RAB11FIP4: variants seen among roughly 807,000 people sequenced by gnomAD.
The protein encoded by RAB11FIP4 is rab11 family-interacting protein 4.
A neutral mutation model predicts 74.3 loss-of-function variants in RAB11FIP4; 23 were observed. The observed-to-expected ratio is 0.31, with a 90% CI of 0.22 to 0.44. The LOEUF is 0.44. Among genes scored for constraint, RAB11FIP4 ranks in the 20% least tolerant of loss-of-function variants. RAB11FIP4 has a pLI of 1.00. For missense variants in RAB11FIP4, 630 were observed against 863.9 expected (o/e 0.73, Z 3.39); for synonymous variants, 360 against 359.9 (o/e 1.00, Z 0.00).
chr17:31,482,396 C>T (rs2071858482), intron 3 of RAB11FIP4, among the ~76,000 whole-genome samples: 1 of 151,932 alleles, frequency 6.6e-6, no homozygotes, highest in South Asian at 2.1e-4. Flanking sequence ...TCAAGACTAG[C>T]CTGGCCAACA....
At chr17:31,427,095 G>A (rs531332349) in intron 1 of RAB11FIP4, among the ~76,000 whole-genome samples, 2 of 152,236 alleles carry the variant, frequency 1.3e-5, no homozygotes, top group African/African-American at 2.4e-5. Context: ...GAGTAGCTGG[G>A]ACTACAGGTA....
At chr17:31,452,741 ATGTGG>A (rs2071538111) in intron 3 of RAB11FIP4, among the ~76,000 whole-genome samples, 1 of 152,170 alleles carries the variant, frequency 6.6e-6, no homozygotes, top group African/African-American at 2.4e-5. Flanking sequence ...TCACCTCCGC[ATGTGG>A]TGAGGCCTGC....
chr17:31,399,414 A>T (rs997903504), intron 1 of RAB11FIP4, among the ~76,000 whole-genome samples: 3 of 152,172 alleles, frequency 2.0e-5, no homozygotes, highest in African/African-American at 7.2e-5. Context: ...GTCCAGATTT[A>T]AAAATTTTTT....
At position 31,407,752 on chromosome 17, in the gene RAB11FIP4, A is replaced by G. The variant is rs376271526; in HGVS notation, c.159+15741A>G. ...GGGCCACATGATGTTCATTTGTTCTATTTTGGGGATGCTGAGTTCAATCAC... is the reference window on the plus strand; with the variant it reads ...GGGCCACATGATGTTCATTTGTTCTGTTTTGGGGATGCTGAGTTCAATCAC... On this transcript the variant is annotated intron_variant, in intron 1 of 14. Coordinates refer to ENST00000621161, the MANE Select transcript of RAB11FIP4 (RefSeq NM_032932.6). Among the ~76,000 whole-genome samples, 10 of 152,156 alleles carry G rather than the reference A, an allele frequency of 6.6e-5. No homozygotes were observed. The South Asian group carries it at 1.0e-3, about 16-fold the overall frequency.
rs1427161471 is a variant in RAB11FIP4 at position 31,532,593 on chromosome 17, G to C, written c.*861G>C. On this transcript the variant is annotated 3_prime_UTR_variant, in exon 15 of 15. Transcript: ENST00000621161. Reference sequence around the variant, plus strand: ...AACCAAAGAAATGAGTTTTGGGGAGGAACACAACTCCCATCCCAGTCAGTT... The same window carrying C: ...AACCAAAGAAATGAGTTTTGGGGAGCAACACAACTCCCATCCCAGTCAGTT... The C allele has an allele frequency of 6.6e-6, 1 of 152,432 alleles. No homozygotes were observed. Among genetic ancestry groups the C allele is most frequent in the Non-Finnish European group, 1.5e-5 (1 of 68,040 alleles). The allele number at this position is 152,432 out of a possible 1,614,324, so 9.4% of individuals were successfully genotyped here. A position where few individuals can be genotyped will look rare whatever the true frequency, so the allele number is the denominator to read the frequency against.
chr17:31,513,429 T>G (rs2072488936), intron 3 of RAB11FIP4, among the ~76,000 whole-genome samples: 1 of 152,208 alleles, frequency 6.6e-6, no homozygotes. Flanking sequence ...TTCTGGCACC[T>G]TCCAGCATCT....
chr17:31,457,497 C>A (rs980725346), intron 3 of RAB11FIP4, among the ~76,000 whole-genome samples: 2 of 152,110 alleles, frequency 1.3e-5, no homozygotes, highest in African/African-American at 2.4e-5. Flanking sequence ...TCTCTCACCC[C>A]ACCCCAGTCC....
intron 1 of RAB11FIP4, among the ~76,000 whole-genome samples, chr17:31,418,599 G>A (rs1253987687): frequency 2.0e-5 from 3 of 151,518 alleles, no homozygotes; most frequent in Admixed American, 1.3e-4. Flanking sequence ...AAGTAGCTGG[G>A]ACTACAGGCG....
intron 3 of RAB11FIP4, among the ~76,000 whole-genome samples, chr17:31,517,415 T>G (rs1300867643): frequency 6.6e-6 from 1 of 152,092 alleles, no homozygotes; most frequent in Non-Finnish European, 1.5e-5. Flanking sequence ...CCCTTCTTCG[T>G]GGATGGCTGT....
chr17:31,488,914 C>T (rs1317824059), intron 3 of RAB11FIP4, among the ~76,000 whole-genome samples: 1 of 152,240 alleles, frequency 6.6e-6, no homozygotes, highest in African/African-American at 2.4e-5. Context: ...GGCGCAGTCT[C>T]TGGAGAGCGT....
At chr17:31,464,523 C>T (rs1359922369) in intron 3 of RAB11FIP4, among the ~76,000 whole-genome samples, 4 of 152,030 alleles carry the variant, frequency 2.6e-5, no homozygotes, top group Admixed American at 2.6e-4. Flanking sequence ...ATGGTCTCTG[C>T]TCACTGCAAC....
intron 3 of RAB11FIP4, among the ~76,000 whole-genome samples, chr17:31,501,311 G>T: frequency 6.8e-6 from 1 of 147,048 alleles, no homozygotes; most frequent in African/African-American, 2.5e-5. Flanking sequence ...TTGTATATTG[G>T]AAGTATCATA....
Position 31,459,585 on chromosome 17 carries a change from C to A in RAB11FIP4, c.336+25463C>A, listed in dbSNP as rs146871234. On this transcript the variant is annotated intron_variant, in intron 3 of 14. Coordinates refer to ENST00000621161, the MANE Select transcript of RAB11FIP4 (RefSeq NM_032932.6). ...GACCAAAACCTTTCTGCAGCTTCCA[C>A]TCCCACGCCTGATGGGTTAACTCAG... Among the ~76,000 whole-genome samples the A allele has an allele frequency of 7.2e-4, 110 of 152,314 alleles. 2 individuals carry two copies. Among genetic ancestry groups the A allele is most frequent in the African/African-American group, 2.5e-3 (105 of 41,564 alleles).
At chr17:31,519,520 T>A (rs1234339990) in intron 4 of RAB11FIP4, among the ~76,000 whole-genome samples, 1 of 152,142 alleles carries the variant, frequency 6.6e-6, no homozygotes, top group East Asian at 1.9e-4. Flanking sequence ...TACAGTGCTG[T>A]GGGGTGGTGG....
intron 3 of RAB11FIP4, among the ~76,000 whole-genome samples, chr17:31,505,596 TTA>T (rs1486952533): frequency 7.5e-5 from 5 of 66,346 alleles, no homozygotes; most frequent in African/African-American, 3.1e-4. Flanking sequence ...TAATTATATA[TTA>T]TATAATAATA....
intron 3 of RAB11FIP4, among the ~76,000 whole-genome samples, chr17:31,513,310 T>A (rs1473945960): frequency 1.3e-5 from 2 of 152,222 alleles, no homozygotes; most frequent in African/African-American, 2.4e-5. Flanking sequence ...TCTGCAACTT[T>A]ATCTAAAAAA....
In RAB11FIP4 at chr17:31,521,323, A is replaced by C. The variant is rs1347019087; in HGVS notation, c.721A>C (p.Asn241His). 3 of 1,613,298 alleles carry C rather than the reference A, an allele frequency of 1.9e-6. No individual in the cohort carries two copies. ...SPCPDDETRT[N>H]VYSDLGSSVS... ...TTGCCCCGATGATGAGACCAGGACC[A>C]ACGTCTACTCGGACCTGGGGTCTTC... Residue 241 changes from asparagine (N) to histidine (H), a missense_variant, in exon 5 of 15, where the codon AAC (asparagine) becomes CAC (histidine). Transcript: ENST00000621161.
At chr17:31,516,342 T>C (rs2072546289) in intron 3 of RAB11FIP4, among the ~76,000 whole-genome samples, 1 of 151,936 alleles carries the variant, frequency 6.6e-6, no homozygotes, top group Non-Finnish European at 1.5e-5. Context: ...TAGAAGCCGT[T>C]TGGCTTCCTC....
At chr17:31,442,672 T>G (rs1005478595) in intron 3 of RAB11FIP4, among the ~76,000 whole-genome samples, 4 of 152,098 alleles carry the variant, frequency 2.6e-5, no homozygotes, top group Admixed American at 6.5e-5. Flanking sequence ...ATGAAAAGGA[T>G]GCAAAGGCTG....
Sources: allele counts gnomAD v4.1 joint callset (sites outside exome capture counted in the v4.1 genomes callset), GRCh38; gene constraint gnomAD v4.1.1; transcripts MANE v1.5; gene names NCBI Gene and HGNC (gene_info 2026-07-23, HGNC 2026-07-21).